KCNMB2: variants seen among roughly 807,000 people sequenced by gnomAD.
The protein encoded by KCNMB2 is potassium calcium-activated channel subfamily M regulatory beta subunit 2.
KCNMB2 carries 9 observed loss-of-function variants against 24.5 expected under a neutral mutation model. The ratio of observed to expected loss-of-function variants is 0.37; its 90% CI spans 0.22 to 0.64. KCNMB2 has a LOEUF of 0.64. KCNMB2 is among the 30% of genes least tolerant of loss of function. The probability of loss-of-function intolerance (pLI) is 0.63; values close to 1 mark genes in which losing one functional copy is unlikely to be tolerated. For missense variants in KCNMB2, 226 were observed against 284.3 expected, an observed-to-expected ratio of 0.79 and a Z score of 1.47; for synonymous variants, 109 against 104.4, an observed-to-expected ratio of 1.04 and a Z score of -0.27.
intron 1 of KCNMB2, among the ~76,000 whole-genome samples, chr3:178,550,188 C>T (rs962045158): frequency 2.0e-5 from 3 of 152,010 alleles, no homozygotes; most frequent in South Asian, 2.1e-4. Context: ...CAGTGGCTCA[C>T]GCCTGTAATC....
intron 1 of KCNMB2, among the ~76,000 whole-genome samples, chr3:178,702,785 G>C (rs960585733): frequency 1.4e-5 from 2 of 140,576 alleles, no homozygotes; most frequent in Admixed American, 1.4e-4. Flanking sequence ...AGCAGGTGGA[G>C]TTAGGGCAGA....
chr3:178,746,087 C>A (rs1463410596), intron 1 of KCNMB2, among the ~76,000 whole-genome samples: 1 of 152,228 alleles, frequency 6.6e-6, no homozygotes, highest in Non-Finnish European at 1.5e-5. Flanking sequence ...TGTGTGGTGG[C>A]TCCAACCCAA....
intron 1 of KCNMB2, among the ~76,000 whole-genome samples, chr3:178,754,622 G>A (rs2108392884): frequency 6.6e-6 from 1 of 152,318 alleles, no homozygotes; most frequent in African/African-American, 2.4e-5. Context: ...ATGAATCATT[G>A]AGATTTGATG....
rs963249326 is a variant in KCNMB2 at position 178,685,446 on chromosome 3, T to G, written c.-67-121897T>G. Among the ~76,000 whole-genome samples the G allele has an allele frequency of 3.3e-5, 5 of 152,328 alleles. No individual in the cohort carries two copies. In the South Asian group the frequency reaches 8.3e-4, roughly 25 times the overall value. ...TCTGTTGTCTTATAACATTAAGGCA[T>G]GTGGTTACAACTACATGTTGGCCTG... On this transcript the variant is annotated intron_variant, in intron 1 of 4. Transcript: ENST00000452583.
chr3:178,649,607 T>A (rs1227474871), intron 1 of KCNMB2, among the ~76,000 whole-genome samples: 1 of 152,134 alleles, frequency 6.6e-6, no homozygotes, highest in South Asian at 2.1e-4. Flanking sequence ...GGAGGGTGTA[T>A]GTGTCCAAGA....
chr3:178,783,417 C>G (rs9713845), intron 1 of KCNMB2, among the ~76,000 whole-genome samples: 210 of 150,906 alleles, frequency 1.4e-3, no homozygotes, highest in South Asian at 7.4e-3. Flanking sequence ...ATTCTTCCTA[C>G]CCAGGAGCAT....
At chr3:178,836,629 T>C (rs1158648739) in intron 4 of KCNMB2, among the ~76,000 whole-genome samples, 1 of 152,142 alleles carries the variant, frequency 6.6e-6, no homozygotes, top group Non-Finnish European at 1.5e-5. Flanking sequence ...TAGATTTATA[T>C]AGTCACATGT....
chr3:178,696,510 G>A (rs889403366), intron 1 of KCNMB2, among the ~76,000 whole-genome samples: 9 of 152,096 alleles, frequency 5.9e-5, no homozygotes, highest in Non-Finnish European at 1.3e-4. Context: ...ATTCTAGCTA[G>A]AAGTCTGTCT....
At chr3:178,818,759 G>A (rs1460351419) in intron 2 of KCNMB2, among the ~76,000 whole-genome samples, 1 of 152,004 alleles carries the variant, frequency 6.6e-6, no homozygotes, top group Non-Finnish European at 1.5e-5. Flanking sequence ...TCTAATCATT[G>A]TACTTGCTTA....
intron 1 of KCNMB2, among the ~76,000 whole-genome samples, chr3:178,804,880 T>A (rs1456435206): frequency 6.6e-6 from 1 of 152,208 alleles, no homozygotes; most frequent in Non-Finnish European, 1.5e-5. Context: ...TTTAAGCCAA[T>A]CCTCATTCTT....
intron 1 of KCNMB2, among the ~76,000 whole-genome samples, chr3:178,729,681 C>A (rs943011457): frequency 6.6e-6 from 1 of 152,112 alleles, no homozygotes; most frequent in Non-Finnish European, 1.5e-5. Flanking sequence ...TATTTCATTT[C>A]CAGGCATATT....
chr3:178,662,190 A>G (rs1440776089), intron 1 of KCNMB2, among the ~76,000 whole-genome samples: 1 of 152,200 alleles, frequency 6.6e-6, no homozygotes, highest in African/African-American at 2.4e-5. Flanking sequence ...ATAAATTTTT[A>G]TTCTCAAAGA....
chr3:178,757,086 T>C (rs1724082868), intron 1 of KCNMB2: 1 of 151,348 alleles, frequency 6.6e-6, no homozygotes, highest in Non-Finnish European at 1.5e-5. Flanking sequence ...TTACCTCTCT[T>C]ACATTTCCGC....
Position 178,561,376 on chromosome 3 carries a change from A to T in KCNMB2, c.-68+24665A>T, listed in dbSNP as rs557597887. 3.3e-5 allele frequency among the ~76,000 whole-genome samples: 5 copies of T among 152,264 alleles called. No individual in the cohort carries two copies. The South Asian group carries it at 1.0e-3, about 32-fold the overall frequency. On this transcript the variant is annotated intron_variant, in intron 1 of 4. Coordinates refer to ENST00000452583, the MANE Select transcript of KCNMB2 (RefSeq NM_181361.3). ...ACAAAACAATGCTGAGAAATAGGCCATTTTGTTTATTTGCTTTTACATGAA... is the reference window on the plus strand; with the variant it reads ...ACAAAACAATGCTGAGAAATAGGCCTTTTTGTTTATTTGCTTTTACATGAA...
At chr3:178,789,478 AAATCATAAC>A (rs1230230881) in intron 1 of KCNMB2, among the ~76,000 whole-genome samples, 6 of 152,238 alleles carry the variant, frequency 3.9e-5, no homozygotes, top group Admixed American at 1.3e-4. Context: ...CCCGGTTTTA[AAATCATAAC>A]AAGGAAAGCG....
intron 1 of KCNMB2, among the ~76,000 whole-genome samples, chr3:178,548,501 T>A (rs1715846459): frequency 6.6e-6 from 1 of 152,188 alleles, no homozygotes; most frequent in African/African-American, 2.4e-5. Context: ...CTGTTACAAC[T>A]AAACTATACT....
At chr3:178,713,953 C>T (rs887343985) in intron 1 of KCNMB2, among the ~76,000 whole-genome samples, 4 of 152,194 alleles carry the variant, frequency 2.6e-5, no homozygotes, top group Non-Finnish European at 5.9e-5. Context: ...CTAGTCTGCT[C>T]ATGTTTTTAA....
rs528975877 is a variant in KCNMB2 at position 178,567,749 on chromosome 3, C to T, written c.-68+31038C>T. 1.4e-4 allele frequency among the ~76,000 whole-genome samples: 21 copies of T among 152,272 alleles called. No individual in the cohort carries two copies. The South Asian group carries it at 4.1e-3, about 30-fold the overall frequency. On this transcript the variant is annotated intron_variant, in intron 1 of 4. Coordinates refer to ENST00000452583, the MANE Select transcript of KCNMB2 (RefSeq NM_181361.3). ...CATCACTTAATCTTTGCGAAACACA[C>T]ACTTTATGTTCTTAATGATGACACT...
chr3:178,559,272 G>A (rs1427744618), intron 1 of KCNMB2, among the ~76,000 whole-genome samples: 2 of 151,868 alleles, frequency 1.3e-5, no homozygotes, highest in Non-Finnish European at 2.9e-5. Flanking sequence ...TTGGATTTAG[G>A]GTTATTCTTG....
Sources: allele counts gnomAD v4.1 joint callset (sites outside exome capture counted in the v4.1 genomes callset), GRCh38; gene constraint gnomAD v4.1.1; transcripts MANE v1.5; gene names NCBI Gene and HGNC (gene_info 2026-07-23, HGNC 2026-07-21).